The following SCN11A variants were observed in gnomAD, a reference collection of about 807,000 sequenced individuals.
The protein encoded by SCN11A is sodium channel protein type 11 subunit alpha.
SCN11A carries 122 observed loss-of-function variants against 162.2 expected under a neutral mutation model. The ratio of observed to expected loss-of-function variants is 0.75; its 90% CI spans 0.65 to 0.87. The LOEUF (loss-of-function observed/expected upper bound fraction) is 0.87, where lower values mean the gene tolerates loss of function less well. Ranked by LOEUF, SCN11A falls within the 40% of genes least tolerant of loss-of-function variation. The pLI, the probability that SCN11A is intolerant of heterozygous loss-of-function variation, is 0.00. For synonymous variants in SCN11A, 758 were observed against 751.5 expected (o/e 1.01, Z -0.14); for missense variants, 2,015 against 2,181.6 (o/e 0.92, Z 1.52).
chr3:38,931,835 T>G (rs2066245663), intron 7 of SCN11A, among the ~76,000 whole-genome samples: 1 of 152,184 alleles, frequency 6.6e-6, no homozygotes. Flanking sequence ...TTAGAAACAG[T>G]AAGTCATTGC....
chr3:38,933,019 G>T (rs989099306), intron 7 of SCN11A, among the ~76,000 whole-genome samples: 1 of 152,214 alleles, frequency 6.6e-6, no homozygotes, highest in African/African-American at 2.4e-5. Flanking sequence ...ACTCCTCTGA[G>T]ACAAAACTTC....
At chr3:38,994,493 G>C (rs1449628917) in intron 2 of SCN11A, among the ~76,000 whole-genome samples, 1 of 152,222 alleles carries the variant, frequency 6.6e-6, no homozygotes, top group Non-Finnish European at 1.5e-5. Context: ...AGCTGGAAAA[G>C]AGAAAGAGGA....
intron 1 of SCN11A, among the ~76,000 whole-genome samples, chr3:39,039,461 C>T (rs562168287): frequency 7.6e-6 from 1 of 130,740 alleles, no homozygotes; most frequent in African/African-American, 3.8e-5. Flanking sequence ...TGAAGTACAT[C>T]CTGCCCCAGG....
At chr3:38,919,913 A>C in intron 11 of SCN11A, 22 bp downstream of exon 11, 1 of 1,586,976 alleles carries the variant, frequency 6.3e-7, no homozygotes, top group South Asian at 1.1e-5. Context: ...TCTTGGGAGG[A>C]AAATGATTAT....
intron 17 of SCN11A, among the ~76,000 whole-genome samples, chr3:38,898,551 T>C (rs2065644594): frequency 6.6e-6 from 1 of 152,242 alleles, no homozygotes; most frequent in Non-Finnish European, 1.5e-5. Flanking sequence ...ATGGCATTTG[T>C]AGTCAGGAGA....
intron 1 of SCN11A, among the ~76,000 whole-genome samples, chr3:39,045,852 T>C (rs1197954879): frequency 6.6e-6 from 1 of 152,218 alleles, no homozygotes; most frequent in African/African-American, 2.4e-5. Context: ...AGTGTCAAAT[T>C]GTCACTGTTT....
intron 3 of SCN11A, among the ~76,000 whole-genome samples, chr3:38,958,450 C>T (rs189169446): frequency 6.6e-6 from 1 of 152,350 alleles, no homozygotes; most frequent in African/African-American, 2.4e-5. Context: ...TGTTATGGTA[C>T]TCTGCCCACA....
At chr3:38,946,116 C>T (rs1033281258) in intron 6 of SCN11A, among the ~76,000 whole-genome samples, 10 of 152,134 alleles carry the variant, frequency 6.6e-5, no homozygotes, top group African/African-American at 1.7e-4. Flanking sequence ...CCTGCCTTTA[C>T]ATTTTAAGAC....
At chr3:38,912,652 C>T (rs974607078) in intron 11 of SCN11A, among the ~76,000 whole-genome samples, 1 of 152,068 alleles carries the variant, frequency 6.6e-6, no homozygotes, top group African/African-American at 2.4e-5. Context: ...TCAAGTAGGT[C>T]CCAGTAGCTG....
chr3:38,859,626 C>T (rs900132494), intron 28 of SCN11A, among the ~76,000 whole-genome samples: 1 of 152,128 alleles, frequency 6.6e-6, no homozygotes, highest in South Asian at 2.1e-4. Context: ...TATGGAACCG[C>T]ATTTGCAAAA....
chr3:38,961,198 T>C (rs979202625), intron 2 of SCN11A, among the ~76,000 whole-genome samples: 6 of 152,306 alleles, frequency 3.9e-5, no homozygotes, highest in African/African-American at 1.4e-4. Flanking sequence ...TGAATACTGG[T>C]TTCGGCTCCA....
At chr3:38,889,906 C>T (rs2065470826) in intron 19 of SCN11A, among the ~76,000 whole-genome samples, 1 of 149,250 alleles carries the variant, frequency 6.7e-6, no homozygotes, top group South Asian at 2.2e-4. Context: ...AAAAACAATC[C>T]CATTTTCCAA....
chr3:38,906,991 C>T (rs937330891), intron 14 of SCN11A, among the ~76,000 whole-genome samples: 2 of 152,024 alleles, frequency 1.3e-5, no homozygotes, highest in African/African-American at 2.4e-5. Flanking sequence ...TGCTTGCCTT[C>T]GCTTCTAGGC....
intron 7 of SCN11A, among the ~76,000 whole-genome samples, chr3:38,934,027 C>T (rs1408740091): frequency 6.6e-6 from 1 of 152,160 alleles, no homozygotes; most frequent in African/African-American, 2.4e-5. Flanking sequence ...GCAGACCTCT[C>T]GGCAGAAACT....
intron 7 of SCN11A, among the ~76,000 whole-genome samples, chr3:38,932,415 A>G (rs2066255908): frequency 6.6e-6 from 1 of 152,190 alleles, no homozygotes; most frequent in South Asian, 2.1e-4. Context: ...AAGCAGGGTG[A>G]GGCATTGCCT....
Position 38,857,676 on chromosome 3 carries a change from C to T in SCN11A, c.4056+5519G>A, listed in dbSNP as rs114553824. Among the ~76,000 whole-genome samples, 1,379 of 152,152 alleles carry T rather than the reference C, an allele frequency of 9.1e-3. 28 individuals carry two copies. The highest frequency in any genetic ancestry group is 0.032 in the African/African-American group (1,311 of 41,542). The stretch of plus-strand genomic sequence containing the variant: ...GGGAAGTTCATCACAAAAAGATTAT[C>T]ACCTAGGCACATAGTCATCAAGTTA... On this transcript the variant is annotated intron_variant, in intron 28 of 29. Transcript: ENST00000302328.
intron 2 of SCN11A, among the ~76,000 whole-genome samples, chr3:38,975,426 T>C (rs6780410): frequency 0.069 from 10,518 of 152,150 alleles, 1,154 homozygotes; most frequent in African/African-American, 0.23. Flanking sequence ...AAGCTGGAAA[T>C]AAAATATGGG....
chr3:38,987,852 G>A (rs116420810), intron 2 of SCN11A, among the ~76,000 whole-genome samples: 5,371 of 152,260 alleles, frequency 0.035, 304 homozygotes, highest in African/African-American at 0.12. Flanking sequence ...GGCTTCTCCA[G>A]CAGCAGAATA....
intron 28 of SCN11A, among the ~76,000 whole-genome samples, chr3:38,854,154 A>AT (rs1260188024): frequency 6.6e-6 from 1 of 152,144 alleles, no homozygotes; most frequent in Non-Finnish European, 1.5e-5. Context: ...TAAAATCCAA[A>AT]TTTCCATGTC....
Sources: gnomAD v4.1 joint callset for allele counts (sites outside exome capture counted in the v4.1 genomes callset) on GRCh38, gnomAD v4.1.1 for gene constraint, MANE v1.5 for transcripts, NCBI Gene and HGNC (gene_info 2026-07-23, HGNC 2026-07-21) for gene names.